The following GABRA5 variants were observed in gnomAD, a reference collection of about 807,000 sequenced individuals.
The protein encoded by GABRA5 is gamma-aminobutyric acid receptor subunit alpha-5.
A neutral mutation model predicts 47.3 loss-of-function variants in GABRA5; 18 were observed. The observed-to-expected ratio is 0.38, with a 90% CI of 0.26 to 0.56. The LOEUF (loss-of-function observed/expected upper bound fraction) is 0.56, where lower values mean the gene tolerates loss of function less well. Among genes scored for constraint, GABRA5 ranks in the 20% least tolerant of loss-of-function variants. GABRA5 has a pLI of 0.71. For synonymous variants in GABRA5, 237 were observed against 229.3 expected, an observed-to-expected ratio of 1.03 and a Z score of -0.30; for missense variants, 365 against 599.3, an observed-to-expected ratio of 0.61 and a Z score of 4.08.
chr15:26,908,923 T>C (rs1893512332), intron 6 of GABRA5, among the ~76,000 whole-genome samples: 2 of 152,270 alleles, frequency 1.3e-5, no homozygotes, highest in South Asian at 4.1e-4. Context: ...GTGAAAATGA[T>C]TTCAAAATAT....
chr15:26,905,554 C>A (rs1461473325), intron 6 of GABRA5, among the ~76,000 whole-genome samples: 1 of 151,818 alleles, frequency 6.6e-6, no homozygotes, highest in Non-Finnish European at 1.5e-5. Flanking sequence ...TAATTTTTTT[C>A]AAATATTCTT....
intron 6 of GABRA5, among the ~76,000 whole-genome samples, chr15:26,898,790 A>G (rs1893259394): frequency 6.6e-6 from 1 of 150,804 alleles, no homozygotes; most frequent in South Asian, 2.1e-4. Context: ...TTATCAGTTG[A>G]AATCGTTTTT....
At chr15:26,875,517 G>A (rs28678281) in intron 3 of GABRA5, among the ~76,000 whole-genome samples, 32,227 of 152,204 alleles carry the variant, frequency 0.21, 3,511 homozygotes, top group Admixed American at 0.26. Flanking sequence ...AAGAGACAGT[G>A]CGTGTGCTGG....
chr15:26,880,715 A>G (rs987953831), intron 3 of GABRA5, 131 bp from the exon 4 acceptor site: 7 of 850,614 alleles, frequency 8.2e-6, no homozygotes, highest in African/African-American at 3.4e-5. Context: ...CCTAGGCACT[A>G]TGGGAGCTGT....
chr15:26,927,046 C>T (rs1255031290), intron 7 of GABRA5, among the ~76,000 whole-genome samples: 1 of 151,914 alleles, frequency 6.6e-6, no homozygotes, highest in East Asian at 1.9e-4. Context: ...TAGAAGTGCT[C>T]CTTGAACTCA....
intron 7 of GABRA5, among the ~76,000 whole-genome samples, chr15:26,933,863 T>C (rs1284223595): frequency 6.6e-6 from 1 of 152,170 alleles, no homozygotes; most frequent in African/African-American, 2.4e-5. Context: ...TCTTTATCTG[T>C]TTGTATTTTT....
chr15:26,914,875 A>T lies in GABRA5; in HGVS notation c.570A>T (p.Lys190Asn). Residue 190 changes from lysine to asparagine, a missense_variant, in exon 7 of 11, where the codon AAA (lysine) becomes AAT (asparagine). Lys to Asn is a moderately conservative substitution (Grantham distance 94). Coordinates refer to ENST00000335625, the MANE Select transcript of GABRA5 (RefSeq NM_000810.4). Reference sequence around the variant, plus strand: ...TGGATGCGCACGCTTGCCCTCTGAAATTTGGCAGCTGTAAGTTATTTTCAC... The same window carrying T: ...TGGATGCGCACGCTTGCCCTCTGAATTTTGGCAGCTGTAAGTTATTTTCAC... ...FPMDAHACPL[K>N]FGSYAYPNSE... 6.2e-7 allele frequency: 1 copy of T among 1,613,836 alleles called. No individual in the cohort carries two copies. The highest frequency in any genetic ancestry group is 8.5e-7 in the Non-Finnish European group (1 of 1,179,780).
At chr15:26,928,395 C>T (rs1051984692) in intron 7 of GABRA5, among the ~76,000 whole-genome samples, 2 of 152,078 alleles carry the variant, frequency 1.3e-5, no homozygotes, top group Non-Finnish European at 2.9e-5. Context: ...TTTAACTGTG[C>T]GGTGTCTGAA....
rs28467781 is a variant in GABRA5, at chr15:26,896,954, C to G, written c.497+13397C>G. Among the ~76,000 whole-genome samples, 231 of 90,804 alleles carry G rather than the reference C, an allele frequency of 2.5e-3. 15 individuals are homozygous for G. Among genetic ancestry groups the G allele is most frequent in the East Asian group, 6.8e-3 (24 of 3,526 alleles). The allele number at this position is 90,804 out of a possible 152,430, so 59.6% of individuals were successfully genotyped here. A position where few individuals can be genotyped will look rare whatever the true frequency, so the allele number is the denominator to read the frequency against. ...TAGAGAAAAAAATCTCTACATCTTA[C>G]AGATGTAGAGAAAAAAATCTCTACA... On this transcript the variant is annotated intron_variant, in intron 6 of 10. Coordinates refer to ENST00000335625, the MANE Select transcript of GABRA5 (RefSeq NM_000810.4).
At chr15:26,892,198 C>T (rs1412445823) in intron 6 of GABRA5, among the ~76,000 whole-genome samples, 2 of 152,256 alleles carry the variant, frequency 1.3e-5, no homozygotes, top group East Asian at 3.9e-4. Context: ...CTGTCTGAAA[C>T]GGTGACTAGA....
intron 6 of GABRA5, among the ~76,000 whole-genome samples, chr15:26,900,294 TTAAA>T (rs1281957587): frequency 1.3e-5 from 2 of 152,012 alleles, no homozygotes; most frequent in South Asian, 2.1e-4. Context: ...TTATGCATTA[TTAAA>T]TAATTATACA....
rs767171483 is a variant in GABRA5 at position 26,869,361 on chromosome 15, T to C, written c.86+27T>C. ...TAAGTTACCATCTGTGCTTTTATTTTATGATGTTAGGGACACTGGTGCCTT... is the reference window on the plus strand; with the variant it reads ...TAAGTTACCATCTGTGCTTTTATTTCATGATGTTAGGGACACTGGTGCCTT... On this transcript the variant is annotated intron_variant, in intron 3 of 10. Transcript: ENST00000335625. 9 of 1,409,208 alleles carry C rather than the reference T, an allele frequency of 6.4e-6. No individual in the cohort carries two copies. The South Asian group carries it at 1.0e-4, about 16-fold the overall frequency. The allele number at this position is 1,409,208 out of a possible 1,614,324, so 87.3% of individuals were successfully genotyped here.
intron 9 of GABRA5, among the ~76,000 whole-genome samples, chr15:26,941,347 G>T (rs10220716): frequency 0.083 from 12,645 of 151,978 alleles, 1,496 homozygotes; most frequent in African/African-American, 0.26. Context: ...TGCATGTTAA[G>T]ATATTAAAGG....
At chr15:26,913,584 G>A (rs1893650287) in intron 6 of GABRA5, among the ~76,000 whole-genome samples, 1 of 152,106 alleles carries the variant, frequency 6.6e-6, no homozygotes, top group African/African-American at 2.4e-5. Context: ...CTGTAACCTT[G>A]AATTATTATT....
Position 26,906,967 on chromosome 15 carries a change from A to C in GABRA5, c.498-7836A>C, listed in dbSNP as rs931196842. Among the ~76,000 whole-genome samples, 4 of 152,228 alleles carry C rather than the reference A, an allele frequency of 2.6e-5. No individual in the cohort carries two copies. The South Asian group carries it at 8.3e-4, about 31-fold the overall frequency. ...AACTTACGATGGTTTTCCCAACATA[A>C]ATAGGAATTGCTGACATCTTCTTTT... On this transcript the variant is annotated intron_variant, in intron 6 of 10. Coordinates refer to ENST00000335625, the MANE Select transcript of GABRA5 (RefSeq NM_000810.4).
chr15:26,933,301 C>G (rs901028152), intron 7 of GABRA5, among the ~76,000 whole-genome samples: 1 of 152,146 alleles, frequency 6.6e-6, no homozygotes, highest in Non-Finnish European at 1.5e-5. Flanking sequence ...AATTCAAAGA[C>G]AGCCACTCCA....
At chr15:26,910,373 A>G (rs944215779) in intron 6 of GABRA5, among the ~76,000 whole-genome samples, 2 of 152,076 alleles carry the variant, frequency 1.3e-5, no homozygotes, top group Non-Finnish European at 2.9e-5. Flanking sequence ...AGGCCGAGGC[A>G]GGTGGATCAC....
intron 6 of GABRA5, among the ~76,000 whole-genome samples, chr15:26,911,045 C>T (rs1416604591): frequency 7.9e-5 from 12 of 152,086 alleles, no homozygotes; most frequent in Admixed American, 1.3e-4. Flanking sequence ...TTAGAGGGAT[C>T]GAAAATTTAA....
At chr15:26,869,073 C>T (rs1441947517) in intron 2 of GABRA5, 102 bp from the exon 3 acceptor site, 4 of 576,664 alleles carry the variant, frequency 6.9e-6, no homozygotes, top group Non-Finnish European at 9.4e-6. Flanking sequence ...CAGCGGGCTC[C>T]TTTCTTTGCA....
Sources: allele counts gnomAD v4.1 joint callset (sites outside exome capture counted in the v4.1 genomes callset), GRCh38; gene constraint gnomAD v4.1.1; transcripts MANE v1.5; gene names NCBI Gene and HGNC (gene_info 2026-07-23, HGNC 2026-07-21).